The following NUDT14 variants were observed in gnomAD, a reference collection of about 807,000 sequenced individuals.
NUDT14 encodes nudix hydrolase 14.
NUDT14 carries 22 observed loss-of-function variants against 17.5 expected under a neutral mutation model. The observed-to-expected ratio is 1.26, with a 90% CI of 0.90 to 1.80. The LOEUF (loss-of-function observed/expected upper bound fraction) is 1.80. Among genes scored for constraint, NUDT14 ranks in the 40% most tolerant of loss-of-function variants. NUDT14 has a pLI of 0.00. For synonymous variants in NUDT14, 129 were observed against 125.8 expected (o/e 1.03, Z -0.17); for missense variants, 296 against 295.6 (o/e 1.00, Z -0.01).
chr14:105,181,227 C>CG lies in NUDT14; in HGVS notation c.-19dup. On this transcript the variant is annotated 5_prime_UTR_variant, in exon 1 of 5. Transcript: ENST00000392568. This position sits in a 1 kb window ranked among gnomAD's most constrained non-coding sequence, Gnocchi z 5.0. ...CGCTCCATGGCGGCGCCCGGACAGGCGGGGGCCGCGAGCTCTGCGGGGGCC... is the reference window on the plus strand; with the variant it reads ...CGCTCCATGGCGGCGCCCGGACAGGCGGGGGGCCGCGAGCTCTGCGGGGGCC... 3.8e-6 allele frequency: 1 copy of CG among 262,104 alleles called. No homozygotes were observed. The highest frequency in any genetic ancestry group is 4.8e-6 in the Non-Finnish European group (1 of 210,152). The allele number at this position is 262,104 out of a possible 1,614,324, so 16.2% of individuals were successfully genotyped here. A position where few individuals can be genotyped will look rare whatever the true frequency, so the allele number is the denominator to read the frequency against.
chr14:105,175,887 A>G, intron 4 of NUDT14: 1 of 1,169,000 alleles, frequency 8.6e-7, no homozygotes, highest in South Asian at 1.6e-5. Flanking sequence ...CCTCTGGAGG[A>G]GGCTGTGGAG....
At chr14:105,176,303 G>A (rs587748713) in intron 4 of NUDT14, 2 of 590,610 alleles carry the variant, frequency 3.4e-6, no homozygotes, top group Admixed American at 3.0e-5. Context: ...GCCTCACACA[G>A]CTGGGGGCCG....
intron 2 of NUDT14, 119 bp downstream of exon 2, chr14:105,177,573 G>T: frequency 2.2e-6 from 2 of 911,020 alleles, no homozygotes; most frequent in Non-Finnish European, 3.4e-6. Context: ...AGGGACTTTT[G>T]GAGCCCACGC....
chr14:105,176,257 T>C (rs1265498683), intron 4 of NUDT14, among the ~76,000 whole-genome samples: 2 of 152,250 alleles, frequency 1.3e-5, no homozygotes, highest in African/African-American at 2.4e-5. Flanking sequence ...CTACAGGAAG[T>C]AGAGGCACCT....
At chr14:105,180,945 T>C (rs964849978) in intron 1 of NUDT14, among the ~76,000 whole-genome samples, 184 bp downstream of exon 1, 1 of 151,616 alleles carries the variant, frequency 6.6e-6, no homozygotes, top group African/African-American at 2.4e-5. Context: ...CTCCCCGGCC[T>C]GGGGGCTCAC....
At chr14:105,176,411 C>T (rs1450118640) in intron 4 of NUDT14, 123 bp downstream of exon 4, 14 of 856,076 alleles carry the variant, frequency 1.6e-5, no homozygotes, top group Non-Finnish European at 2.5e-5. Context: ...TCCAACCCTC[C>T]CCTAATCCCA....
At chr14:105,179,095 C>T (rs1566778615) in intron 1 of NUDT14, among the ~76,000 whole-genome samples, 2 of 152,224 alleles carry the variant, frequency 1.3e-5, no homozygotes, top group South Asian at 4.1e-4. Context: ...ACCACTGCTT[C>T]CCCCCGAGTA....
At chr14:105,177,261 G>C (rs111431016) in intron 2 of NUDT14, 3 of 641,678 alleles carry the variant, frequency 4.7e-6, no homozygotes, top group Admixed American at 2.3e-5. Context: ...GATGGGAGGC[G>C]GGGGGCAGGG....
intron 1 of NUDT14, among the ~76,000 whole-genome samples, chr14:105,178,677 C>T (rs1012100673): frequency 5.3e-5 from 8 of 152,238 alleles, no homozygotes; most frequent in African/African-American, 1.4e-4. Context: ...CATCCCCCAC[C>T]GGGGGCTCTG....
chr14:105,177,753 G>A lies in NUDT14; in HGVS notation c.82-18C>T. On this transcript the variant is annotated intron_variant, in intron 1 of 4. Transcript: ENST00000392568. ...GCACCATTCTAGAAGGGGCAGGTCAGCGGTTAGAATGTCCCAGGATGGGCG... is the reference window on the plus strand; with the variant it reads ...GCACCATTCTAGAAGGGGCAGGTCAACGGTTAGAATGTCCCAGGATGGGCG... 1 of 1,611,754 alleles carries A rather than the reference G, an allele frequency of 6.2e-7. No individual in the cohort carries two copies. Among genetic ancestry groups the A allele is most frequent in the Non-Finnish European group, 8.5e-7 (1 of 1,179,172 alleles).
At position 105,173,250 on chromosome 14, in the gene NUDT14, C is replaced by T. The variant is rs772490231; in HGVS notation, c.440G>A (p.Gly147Glu). 1.3e-6 allele frequency: 2 copies of T among 1,562,780 alleles called. No individual in the cohort carries two copies. The highest frequency in any genetic ancestry group is 1.2e-5 in the South Asian group (1 of 83,206). Residue 147 changes from glycine to glutamate, a missense_variant, in exon 5 of 5, where the codon GGA (glycine) becomes GAA (glutamate). Gly to Glu is a moderately conservative substitution (Grantham distance 98). Coordinates refer to ENST00000392568, the MANE Select transcript of NUDT14 (RefSeq NM_177533.5). The surrounding 1 kb of genome is among the most constrained non-coding windows in gnomAD (Gnocchi z 4.7). ...CATGGTCTGTCTGGAGCCAGTCAGT[C>T]CCACTCCAGACCTACGGGTTGAGAC... ...RRVATYWSGVGLTGSRQTMFY... is the reference protein window; with the variant it reads ...RRVATYWSGVELTGSRQTMFY...
intron 4 of NUDT14, chr14:105,175,536 G>T (rs1045046992): frequency 2.4e-5 from 4 of 170,100 alleles, no homozygotes; most frequent in African/African-American, 2.4e-5. Flanking sequence ...TGAGTAGCTG[G>T]AATTACAGGC....
intron 1 of NUDT14, among the ~76,000 whole-genome samples, chr14:105,179,248 G>A (rs1386310732): frequency 6.6e-6 from 1 of 152,232 alleles, no homozygotes; most frequent in African/African-American, 2.4e-5. Context: ...TGGGTGCAAA[G>A]AAGACCCCAT....
chr14:105,177,132 A>C (rs771143903), intron 2 of NUDT14, 105 bp from the exon 3 acceptor site: 2 of 1,085,148 alleles, frequency 1.8e-6, no homozygotes, highest in Non-Finnish European at 2.7e-6. Flanking sequence ...CCTCCTTGCC[A>C]GCAGCCCAGG....
chr14:105,174,345 T>G (rs1332802412), intron 4 of NUDT14, among the ~76,000 whole-genome samples: 2 of 149,552 alleles, frequency 1.3e-5, no homozygotes, highest in African/African-American at 4.9e-5. Flanking sequence ...GAAACGGGAC[T>G]GAGGGGCATC....
chr14:105,178,447 C>T (rs587760406), intron 1 of NUDT14, among the ~76,000 whole-genome samples: 1 of 152,310 alleles, frequency 6.6e-6, no homozygotes, highest in East Asian at 1.9e-4. Flanking sequence ...CACTCCCCCA[C>T]ACTGGGCACA....
chr14:105,177,752 A>T lies in NUDT14; in HGVS notation c.82-17T>A. ...GGCACCATTCTAGAAGGGGCAGGTCAGCGGTTAGAATGTCCCAGGATGGGC... is the reference window on the plus strand; with the variant it reads ...GGCACCATTCTAGAAGGGGCAGGTCTGCGGTTAGAATGTCCCAGGATGGGC... On this transcript the variant is annotated splice_polypyrimidine_tract_variant and intron_variant, in intron 1 of 4. Coordinates refer to ENST00000392568, the MANE Select transcript of NUDT14 (RefSeq NM_177533.5). 1 of 1,611,688 alleles carries T rather than the reference A, an allele frequency of 6.2e-7. No homozygotes were observed. The highest frequency in any genetic ancestry group is 8.5e-7 in the Non-Finnish European group (1 of 1,179,138).
In NUDT14 at chr14:105,176,908, C is replaced by T. The variant is rs1889226360; in HGVS notation, c.190+55G>A. The T allele has an allele frequency of 2.5e-6, 4 of 1,584,810 alleles. No individual in the cohort carries two copies. In the Admixed American group the frequency reaches 6.7e-5, roughly 27 times the overall value. On this transcript the variant is annotated intron_variant, in intron 3 of 4. Coordinates refer to ENST00000392568, the MANE Select transcript of NUDT14 (RefSeq NM_177533.5). Reference sequence around the variant, plus strand: ...ACATCTGTATTCAGACCCTCAGGACCACAGGGACCTGAAGGTGACCCTGCA... The same window carrying T: ...ACATCTGTATTCAGACCCTCAGGACTACAGGGACCTGAAGGTGACCCTGCA...
chr14:105,177,220 G>A (rs1555372548), intron 2 of NUDT14, 193 bp from the exon 3 acceptor site: 8 of 658,132 alleles, frequency 1.2e-5, no homozygotes, highest in Non-Finnish European at 2.2e-5. Context: ...AGTCTGGCCA[G>A]GACCCAGACC....
Sources: gnomAD v4.1 joint callset for allele counts (sites outside exome capture counted in the v4.1 genomes callset) on GRCh38, gnomAD v4.1.1 for gene constraint, Gnocchi (gnomAD v3.1) non-coding constraint, MANE v1.5 for transcripts, NCBI Gene and HGNC (gene_info 2026-07-23, HGNC 2026-07-21) for gene names.